Variants in METTL24 observed in about 807,000 individuals in gnomAD.
The protein encoded by METTL24 is probable methyltransferase-like protein 24.
In METTL24, 29 loss-of-function variants were observed where a neutral mutation model predicts 32.7. The observed-to-expected ratio is 0.89, with a 90% CI of 0.66 to 1.21. The LOEUF is 1.21. Among genes scored for constraint, METTL24 ranks in the 50% most tolerant of loss-of-function variants. The pLI is 0.00. For missense variants in METTL24, 439 were observed against 468.1 expected (o/e 0.94, Z 0.57); for synonymous variants, 163 against 179.5 (o/e 0.91, Z 0.73).
At chr6:110,289,006 A>G (rs1771273274) in intron 4 of METTL24, among the ~76,000 whole-genome samples, 1 of 152,210 alleles carries the variant, frequency 6.6e-6, no homozygotes, top group Non-Finnish European at 1.5e-5. Context: ...TCTAGCAAAT[A>G]GCAAATGAGC....
chr6:110,358,150 G>A lies in METTL24; in HGVS notation c.123C>T (p.Pro41=). 1.7e-6 allele frequency: 2 copies of A among 1,181,504 alleles called. No individual in the cohort carries two copies. Among genetic ancestry groups the A allele is most frequent in the Non-Finnish European group, 2.1e-6 (2 of 956,994 alleles). The allele number at this position is 1,181,504 out of a possible 1,614,324, so 73.2% of individuals were successfully genotyped here. The change falls in exon 1 of 5, where the codon CCC becomes CCT. Residue 41 remains proline, a synonymous_variant. Coordinates refer to ENST00000338882, the MANE Select transcript of METTL24 (RefSeq NM_001123364.3). ...AELRRAGPGS[P]TRSAPPGPAW... is the part of the protein sequence containing the mutation. The stretch of plus-strand genomic sequence containing the variant: ...CCGGGCCCGGCGGGGCGCTGCGGGT[G>A]GGGGACCCGGGCCCGGCGCGCCGCA...
At chr6:110,333,524 G>C (rs1772149281) in intron 1 of METTL24, among the ~76,000 whole-genome samples, 1 of 152,028 alleles carries the variant, frequency 6.6e-6, no homozygotes, top group South Asian at 2.1e-4. Context: ...CATGATCTCG[G>C]CTCACTACAA....
intron 4 of METTL24, among the ~76,000 whole-genome samples, chr6:110,277,973 A>G (rs572967243): frequency 1.3e-3 from 199 of 152,220 alleles, no homozygotes; most frequent in African/African-American, 4.2e-3. Context: ...ATTTTCCTCA[A>G]ATTTTGCCTG....
At chr6:110,253,509 C>G (rs1291265521) in intron 4 of METTL24, among the ~76,000 whole-genome samples, 3 of 152,048 alleles carry the variant, frequency 2.0e-5, no homozygotes, top group Non-Finnish European at 4.4e-5. Flanking sequence ...GTGTCAAGTA[C>G]TATATATTCT....
At chr6:110,261,439 A>C (rs1316994306) in intron 4 of METTL24, among the ~76,000 whole-genome samples, 3 of 152,210 alleles carry the variant, frequency 2.0e-5, no homozygotes, top group Admixed American at 2.0e-4. Flanking sequence ...ATATGCACCC[A>C]ATACAGGAGC....
intron 1 of METTL24, among the ~76,000 whole-genome samples, chr6:110,329,472 G>A (rs989326870): frequency 5.1e-5 from 7 of 137,522 alleles, no homozygotes; most frequent in Non-Finnish European, 3.1e-5. Context: ...AACAATGACT[G>A]AAGGAAACTG....
rs1011990294 is a variant in METTL24 at position 110,267,959 on chromosome 6, C to T, written c.787-21699G>A. On this transcript the variant is annotated intron_variant, in intron 4 of 4. Transcript: ENST00000338882. ...CTCACTCACTATTTCAAGGACAGCA[C>T]CAAGCCATTCATGAGGCATCCACCC... Among the ~76,000 whole-genome samples, 6 of 152,068 alleles carry T rather than the reference C, an allele frequency of 3.9e-5. 1 individual carries two copies. The highest frequency in any genetic ancestry group is 3.9e-4 in the Admixed American group (6 of 15,248).
intron 4 of METTL24, among the ~76,000 whole-genome samples, chr6:110,255,692 T>C (rs1778369728): frequency 6.6e-6 from 1 of 152,184 alleles, no homozygotes; most frequent in Admixed American, 6.6e-5. Flanking sequence ...GTTAATTTAT[T>C]TGCAAGTGTT....
At position 110,244,525 on chromosome 6, in the gene METTL24, A is replaced by G. The variant is rs1188860219; in HGVS notation, c.*1421T>C. On this transcript the variant is annotated 3_prime_UTR_variant, in exon 5 of 5. Transcript: ENST00000338882. ...AGACTGAGTAATTTATAGAGGAAAG[A>G]GATTTAATTGACTCACAGTTTAGCA... Among the ~76,000 whole-genome samples the G allele has an allele frequency of 6.6e-6, 1 of 152,198 alleles. No homozygotes were observed. Among genetic ancestry groups the G allele is most frequent in the South Asian group, 2.1e-4 (1 of 4,830 alleles).
intron 4 of METTL24, among the ~76,000 whole-genome samples, chr6:110,275,542 T>A (rs565791887): frequency 8.5e-4 from 129 of 152,294 alleles, no homozygotes; most frequent in Non-Finnish European, 1.5e-3. Context: ...ACCTCTCTTC[T>A]GCTTCCCTTG....
chr6:110,316,675 C>A (rs1382507284), intron 2 of METTL24, among the ~76,000 whole-genome samples: 3 of 152,236 alleles, frequency 2.0e-5, no homozygotes, highest in Non-Finnish European at 2.9e-5. Context: ...GCAGGAGGAT[C>A]GCTTGAGCCC....
At chr6:110,300,447 G>A (rs962326095) in intron 3 of METTL24, among the ~76,000 whole-genome samples, 3 of 139,146 alleles carry the variant, frequency 2.2e-5, no homozygotes, top group African/African-American at 5.6e-5. Context: ...TTTAGATGGA[G>A]TCTGGCTCCA....
intron 3 of METTL24, among the ~76,000 whole-genome samples, chr6:110,303,486 C>T (rs1016389464): frequency 6.6e-6 from 1 of 152,134 alleles, no homozygotes; most frequent in African/African-American, 2.4e-5. Flanking sequence ...TGGGGAGGGG[C>T]GTCTGCCATT....
At position 110,289,366 on chromosome 6, in the gene METTL24, T is replaced by C. The variant is rs184274880; in HGVS notation, c.786+9556A>G. Among the ~76,000 whole-genome samples the C allele has an allele frequency of 7.1e-4, 108 of 152,256 alleles. 3 individuals carry two copies. The South Asian group carries it at 0.017, about 25-fold the overall frequency. ...CAGCTCAATCAAGAAGAATATCAGCTTTCACAAACATGCAAGCAGTGGCAA... is the reference window on the plus strand; with the variant it reads ...CAGCTCAATCAAGAAGAATATCAGCCTTCACAAACATGCAAGCAGTGGCAA... On this transcript the variant is annotated intron_variant, in intron 4 of 4. Coordinates refer to ENST00000338882, the MANE Select transcript of METTL24 (RefSeq NM_001123364.3).
chr6:110,257,176 C>G (rs932722654), intron 4 of METTL24, among the ~76,000 whole-genome samples: 6 of 152,126 alleles, frequency 3.9e-5, no homozygotes, highest in African/African-American at 1.2e-4. Context: ...AACTACAAGG[C>G]TCCCATCTCA....
At chr6:110,348,614 G>A (rs982432298) in intron 1 of METTL24, among the ~76,000 whole-genome samples, 5 of 152,226 alleles carry the variant, frequency 3.3e-5, no homozygotes, top group Admixed American at 6.5e-5. Flanking sequence ...AATAGCAAAT[G>A]CTATAAAACA....
intron 1 of METTL24, among the ~76,000 whole-genome samples, chr6:110,341,734 T>C (rs2223972): frequency 0.63 from 95,070 of 152,104 alleles, 30,708 homozygotes; most frequent in African/African-American, 0.79. Context: ...CCTCATCTGA[T>C]CTGGATTATA....
At chr6:110,350,512 C>A (rs1772573472) in intron 1 of METTL24, among the ~76,000 whole-genome samples, 1 of 150,644 alleles carries the variant, frequency 6.6e-6, no homozygotes, top group Non-Finnish European at 1.5e-5. Flanking sequence ...TTTTTTCCTG[C>A]AAGGTAACTA....
chr6:110,307,001 G>A (rs4947061), intron 3 of METTL24, among the ~76,000 whole-genome samples: 1 of 152,004 alleles, frequency 6.6e-6, no homozygotes, highest in East Asian at 1.9e-4. Context: ...TTCTAAGTCC[G>A]CAGTGCTGAA....
Sources: allele counts gnomAD v4.1 joint callset (sites outside exome capture counted in the v4.1 genomes callset), GRCh38; gene constraint gnomAD v4.1.1; transcripts MANE v1.5; gene names NCBI Gene and HGNC (gene_info 2026-07-23, HGNC 2026-07-21).